The following VDAC3 variants were observed in gnomAD, a reference collection of about 807,000 sequenced individuals.
VDAC3 encodes non-selective voltage-gated ion channel VDAC3.
In VDAC3, 7 loss-of-function variants were observed where a neutral mutation model predicts 33.9. The ratio of observed to expected loss-of-function variants is 0.21; its 90% confidence interval spans 0.12 to 0.39. The LOEUF (loss-of-function observed/expected upper bound fraction) is 0.39, where lower values mean the gene tolerates loss of function less well. Ranked by LOEUF, VDAC3 falls within the 10% of genes least tolerant of loss-of-function variation. The probability of loss-of-function intolerance (pLI) is 1.00; values close to 1 mark genes in which losing one functional copy is unlikely to be tolerated. For missense variants in VDAC3, 261 were observed against 334.5 expected (o/e 0.78, Z 1.71); for synonymous variants, 100 against 122.4 (o/e 0.82, Z 1.21).
At chr8:42,400,024 A>T (rs1365636441) in intron 6 of VDAC3, among the ~76,000 whole-genome samples, 1 of 152,224 alleles carries the variant, frequency 6.6e-6, no homozygotes. Flanking sequence ...ATTGATGGAC[A>T]TGGTATTCTG....
intron 4 of VDAC3, chr8:42,396,568 C>A: frequency 1.5e-6 from 1 of 654,882 alleles, no homozygotes; most frequent in South Asian, 1.7e-5. Context: ...AAGAATCATT[C>A]TCATTTTGTG....
At chr8:42,395,986 G>C (rs1237669799) in intron 4 of VDAC3, among the ~76,000 whole-genome samples, 1 of 132,236 alleles carries the variant, frequency 7.6e-6, no homozygotes, top group Admixed American at 7.7e-5. Flanking sequence ...GGCCAGGTGC[G>C]GTGGCTCACG....
Position 42,399,713 on chromosome 8 carries a change from C to T in VDAC3, c.323+10C>T, listed in dbSNP as rs752477775. 1 of 1,610,832 alleles carries T rather than the reference C, an allele frequency of 6.2e-7. No homozygotes were observed. The highest frequency in any genetic ancestry group is 1.3e-5 in the African/African-American group (1 of 74,802). On this transcript the variant is annotated intron_variant, in intron 6 of 9. Coordinates refer to ENST00000022615, the MANE Select transcript of VDAC3 (RefSeq NM_005662.7). ...TTGTACCGAACACAGGGTAATTATT[C>T]AAATCCCATTTCCTGAAACGTTTTT...
At chr8:42,401,567 T>C (rs745580087) in intron 6 of VDAC3, among the ~76,000 whole-genome samples, 4 of 152,246 alleles carry the variant, frequency 2.6e-5, no homozygotes, top group African/African-American at 9.6e-5. Context: ...TTTGAACTTA[T>C]AATGAGTAAT....
At position 42,403,410 on chromosome 8, in the gene VDAC3, C is replaced by T. The variant is rs762990615; in HGVS notation, c.651C>T (p.Thr217=). Residue 217 remains threonine (T), a synonymous_variant, in exon 8 of 10, where the codon ACC becomes ACT. Transcript: ENST00000022615. The part of the protein sequence containing the change: ...NLAWTAGSNN[T]RFGIAAKYML... ...CTTGGACAGCTGGGAGTAACAACACCCGTTTTGGCATTGCTGCTAAGTACA... is the reference window on the plus strand; with the variant it reads ...CTTGGACAGCTGGGAGTAACAACACTCGTTTTGGCATTGCTGCTAAGTACA... The T allele has an allele frequency of 6.2e-7, 1 of 1,609,820 alleles. No homozygotes were observed. Among genetic ancestry groups the T allele is most frequent in the Non-Finnish European group, 8.5e-7 (1 of 1,178,714 alleles).
intron 6 of VDAC3, among the ~76,000 whole-genome samples, chr8:42,401,081 T>C (rs1802407939): frequency 6.6e-6 from 1 of 152,214 alleles, no homozygotes; most frequent in African/African-American, 2.4e-5. Flanking sequence ...ATAATGTATA[T>C]TGGGGATTAA....
At chr8:42,397,842 A>G (rs1802342900) in intron 4 of VDAC3, among the ~76,000 whole-genome samples, 1 of 152,242 alleles carries the variant, frequency 6.6e-6, no homozygotes, top group East Asian at 1.9e-4. Flanking sequence ...AGTTTTGCAC[A>G]CAAAAGCATT....
intron 1 of VDAC3, 182 bp from the exon 2 acceptor site, chr8:42,393,663 A>G (rs374803546): frequency 5.4e-6 from 2 of 368,428 alleles, no homozygotes; most frequent in Non-Finnish European, 4.8e-6. Context: ...GTTAATGGGT[A>G]AAATTATAGC....
chr8:42,404,156 TATCCTC>T (rs1458765412), intron 8 of VDAC3, among the ~76,000 whole-genome samples: 2 of 152,190 alleles, frequency 1.3e-5, no homozygotes, highest in African/African-American at 4.8e-5. Context: ...CGATTAGTGT[TATCCTC>T]ATCCCTGTTT....
Position 42,400,107 on chromosome 8 carries a change from A to G in VDAC3, c.323+404A>G, listed in dbSNP as rs1027528157. On this transcript the variant is annotated intron_variant, in intron 6 of 9. Transcript: ENST00000022615. ...AATCCTAGCACTTTGGGAGGCCGAG[A>G]TGGGCGGATCATGAGGTCCGGAGAT... Among the ~76,000 whole-genome samples, 48 of 152,028 alleles carry G rather than the reference A, an allele frequency of 3.2e-4. 1 individual carries two copies. Among genetic ancestry groups the G allele is most frequent in the Admixed American group, 3.1e-3 (48 of 15,270 alleles).
intron 4 of VDAC3, 119 bp downstream of exon 4, chr8:42,395,252 C>T: frequency 1.4e-6 from 2 of 1,452,134 alleles, no homozygotes; most frequent in Non-Finnish European, 9.3e-7. Flanking sequence ...CAGCTTTGTC[C>T]TCTCAGATTT....
rs1194534869 is a variant in VDAC3 at position 42,405,803 on chromosome 8, C to T, written c.*341C>T. On this transcript the variant is annotated 3_prime_UTR_variant, in exon 10 of 10. Transcript: ENST00000022615. Reference sequence around the variant, plus strand: ...TCCTGCATGTCCCACACCATTTTTTCATGACCTTGTAATATACTGGTCTCT... The same window carrying T: ...TCCTGCATGTCCCACACCATTTTTTTATGACCTTGTAATATACTGGTCTCT... 9.4e-6 allele frequency: 2 copies of T among 212,372 alleles called. No individual in the cohort carries two copies. Among genetic ancestry groups the T allele is most frequent in the South Asian group, 1.8e-4 (2 of 11,318 alleles). The allele number at this position is 212,372 out of a possible 1,614,324, so 13.2% of individuals were successfully genotyped here. A position where few individuals can be genotyped will look rare whatever the true frequency, so the allele number is the denominator to read the frequency against.
chr8:42,400,554 A>T (rs1297950592), intron 6 of VDAC3, among the ~76,000 whole-genome samples: 1 of 151,952 alleles, frequency 6.6e-6, no homozygotes, highest in Non-Finnish European at 1.5e-5. Context: ...ATGTGGGTCC[A>T]TGCTATCTGA....
chr8:42,393,457 G>T (rs1273152360), intron 1 of VDAC3, among the ~76,000 whole-genome samples: 1 of 152,172 alleles, frequency 6.6e-6, no homozygotes, highest in Non-Finnish European at 1.5e-5. Flanking sequence ...AGAGGGCAAA[G>T]GAATGAGATA....
At chr8:42,396,514 C>T (rs1423429029) in intron 4 of VDAC3, 1 of 553,528 alleles carries the variant, frequency 1.8e-6, no homozygotes, top group Non-Finnish European at 3.2e-6. Flanking sequence ...ATGCACCTCC[C>T]TTACTAAGAT....
chr8:42,402,308 A>C, intron 7 of VDAC3: 1 of 453,936 alleles, frequency 2.2e-6, no homozygotes, highest in East Asian at 4.0e-5. Context: ...CCTCATGGTA[A>C]GATGACCCTT....
intron 3 of VDAC3, 88 bp downstream of exon 3, chr8:42,394,366 G>A (rs1802266296): frequency 4.3e-6 from 5 of 1,150,566 alleles, no homozygotes; most frequent in Admixed American, 2.0e-5. Flanking sequence ...GTAAAATAAG[G>A]GTAAGTCAGC....
At chr8:42,398,895 G>T in intron 5 of VDAC3, 31 bp downstream of exon 5, 1 of 1,607,022 alleles carries the variant, frequency 6.2e-7, no homozygotes, top group Non-Finnish European at 8.5e-7. Context: ...TTATTCATAG[G>T]TTCAATTTAT....
chr8:42,400,172 C>T (rs1435937272), intron 6 of VDAC3, among the ~76,000 whole-genome samples: 2 of 151,858 alleles, frequency 1.3e-5, no homozygotes, highest in African/African-American at 4.8e-5. Flanking sequence ...CCCATCTCTA[C>T]TAAAAAATAC....
Sources: gnomAD v4.1 joint callset for allele counts (sites outside exome capture counted in the v4.1 genomes callset) on GRCh38, gnomAD v4.1.1 for gene constraint, MANE v1.5 for transcripts, NCBI Gene and HGNC (gene_info 2026-07-23, HGNC 2026-07-21) for gene names.